Variants in RASAL2 observed in about 807,000 individuals in gnomAD.
RASAL2 encodes RAS protein activator like 2.
A neutral mutation model predicts 128.9 loss-of-function variants in RASAL2; 58 were observed. The observed-to-expected ratio is 0.45, with a 90% CI of 0.36 to 0.56. The LOEUF (loss-of-function observed/expected upper bound fraction) is 0.56, where lower values mean the gene tolerates loss of function less well. RASAL2 is among the 20% of genes least tolerant of loss of function. The pLI, the probability that RASAL2 is intolerant of heterozygous loss-of-function variation, is 0.00. For missense variants in RASAL2, 1,360 were observed against 1,601.6 expected, an observed-to-expected ratio of 0.85 and a Z score of 2.57; for synonymous variants, 561 against 580.8, an observed-to-expected ratio of 0.97 and a Z score of 0.49.
At chr1:178,392,136 C>A (rs926668049) in intron 4 of RASAL2, among the ~76,000 whole-genome samples, 2 of 152,176 alleles carry the variant, frequency 1.3e-5, no homozygotes, top group African/African-American at 4.8e-5. Flanking sequence ...GTTTTCCATT[C>A]TGAGACCCTA....
intron 3 of RASAL2, among the ~76,000 whole-genome samples, chr1:178,366,724 C>A (rs1187000792): frequency 1.3e-5 from 2 of 151,862 alleles, no homozygotes; most frequent in Non-Finnish European, 2.9e-5. Context: ...GTAGAAACAA[C>A]CCAAATGTCC....
chr1:178,149,981 T>C (rs1165605202), intron 1 of RASAL2, among the ~76,000 whole-genome samples: 1 of 152,168 alleles, frequency 6.6e-6, no homozygotes, highest in Non-Finnish European at 1.5e-5. Flanking sequence ...GTTTCTGCTT[T>C]AGATGGTTCA....
At chr1:178,273,552 T>C (rs980594507) in intron 1 of RASAL2, among the ~76,000 whole-genome samples, 5 of 152,218 alleles carry the variant, frequency 3.3e-5, no homozygotes, top group African/African-American at 1.2e-4. Flanking sequence ...GCATTTTTAA[T>C]TTAGAACTTT....
intron 7 of RASAL2, among the ~76,000 whole-genome samples, chr1:178,442,407 C>T (rs896702970): frequency 5.3e-5 from 8 of 151,858 alleles, no homozygotes; most frequent in Admixed American, 4.6e-4. Context: ...GAAAACTTAC[C>T]GTTACAAAAT....
intron 1 of RASAL2, among the ~76,000 whole-genome samples, chr1:178,191,179 C>T (rs952650393): frequency 2.0e-5 from 3 of 152,100 alleles, no homozygotes; most frequent in African/African-American, 7.2e-5. Context: ...AACCTCTTAG[C>T]ATACACTCTA....
At chr1:178,194,401 A>AT (rs1354624992) in intron 1 of RASAL2, 1 of 222,520 alleles carries the variant, frequency 4.5e-6, no homozygotes, top group Non-Finnish European at 9.9e-6. Context: ...ATCTCTTAGC[A>AT]TGGATAGCAC....
At chr1:178,352,193 C>T (rs1670550424) in intron 3 of RASAL2, among the ~76,000 whole-genome samples, 1 of 152,174 alleles carries the variant, frequency 6.6e-6, no homozygotes, top group African/African-American at 2.4e-5. Flanking sequence ...GGAAATACCA[C>T]TACTAAAAAC....
chr1:178,347,350 G>C (rs1019825995), intron 3 of RASAL2, among the ~76,000 whole-genome samples: 3 of 152,170 alleles, frequency 2.0e-5, no homozygotes, highest in African/African-American at 7.2e-5. Context: ...TGTGTGACGG[G>C]AGAATAGAAA....
At chr1:178,306,853 G>T (rs1376342888) in intron 3 of RASAL2, among the ~76,000 whole-genome samples, 1 of 130,966 alleles carries the variant, frequency 7.6e-6, no homozygotes, top group Non-Finnish European at 1.6e-5. Context: ...ATCACACTCT[G>T]GGGACTGTTG....
chr1:178,332,954 G>A (rs1669403933), intron 3 of RASAL2, among the ~76,000 whole-genome samples: 1 of 151,876 alleles, frequency 6.6e-6, no homozygotes, highest in African/African-American at 2.4e-5. Flanking sequence ...TCTCTGTGTG[G>A]CCTTGAGAAA....
intron 13 of RASAL2, 114 bp downstream of exon 13, chr1:178,457,013 G>C: frequency 1.0e-6 from 1 of 996,148 alleles, no homozygotes; most frequent in Non-Finnish European, 1.5e-6. Flanking sequence ...AGCAACTGAA[G>C]ACTCATCTGA....
At chr1:178,117,562 G>A (rs1659561410) in intron 1 of RASAL2, among the ~76,000 whole-genome samples, 2 of 152,178 alleles carry the variant, frequency 1.3e-5, no homozygotes, top group Admixed American at 1.3e-4. Flanking sequence ...ATGTGATAGT[G>A]TTAAGAGGTG....
intron 1 of RASAL2, among the ~76,000 whole-genome samples, chr1:178,168,979 C>T (rs529957364): frequency 2.0e-5 from 3 of 151,866 alleles, no homozygotes; most frequent in East Asian, 3.9e-4. Flanking sequence ...GAAGATGTCC[C>T]GGACAATGAA....
Position 178,173,088 on chromosome 1 carries a change from C to G in RASAL2, c.202+78394C>G, listed in dbSNP as rs1327735421. ...CACTTTGTGGGAATATCCATGCATT[C>G]CATTCTAACATACGTGTCCATTTCT... On this transcript the variant is annotated intron_variant, in intron 1 of 17. Coordinates refer to ENST00000367649, the MANE Select transcript of RASAL2 (RefSeq NM_170692.4). Among the ~76,000 whole-genome samples, 9 of 152,188 alleles carry G rather than the reference C, an allele frequency of 5.9e-5. No homozygotes were observed. The South Asian group carries it at 1.5e-3, about 25-fold the overall frequency.
In RASAL2 at chr1:178,473,281, C is replaced by T. The variant is rs1364555568; in HGVS notation, c.*42C>T. On this transcript the variant is annotated 3_prime_UTR_variant, in exon 18 of 18. Transcript: ENST00000367649. ...AAGGAGACAGAAGGAAATTGACCCA[C>T]TCTCCTATCTCCAGACCTTTACCTA... is the stretch of plus-strand genomic sequence containing the variant. 6.2e-7 allele frequency: 1 copy of T among 1,608,122 alleles called. No individual in the cohort carries two copies. Among genetic ancestry groups the T allele is most frequent in the Non-Finnish European group, 8.5e-7 (1 of 1,174,994 alleles).
At chr1:178,241,372 CT>C (rs1664489487) in intron 1 of RASAL2, among the ~76,000 whole-genome samples, 1 of 152,158 alleles carries the variant, frequency 6.6e-6, no homozygotes, top group Non-Finnish European at 1.5e-5. Flanking sequence ...TTTTCAATCT[CT>C]TTCACGTGTG....
intron 17 of RASAL2, among the ~76,000 whole-genome samples, chr1:178,470,113 C>T (rs1276281672): frequency 1.3e-5 from 2 of 152,142 alleles, no homozygotes; most frequent in Non-Finnish European, 2.9e-5. Context: ...GTATCAGATC[C>T]TTTCTTTTGT....
chr1:178,256,752 C>T (rs1169396364), intron 1 of RASAL2, among the ~76,000 whole-genome samples: 1 of 152,152 alleles, frequency 6.6e-6, no homozygotes, highest in Non-Finnish European at 1.5e-5. Flanking sequence ...CGGCTCATTG[C>T]AACCTCCGCC....
intron 3 of RASAL2, among the ~76,000 whole-genome samples, chr1:178,345,630 G>C (rs1488314754): frequency 6.6e-6 from 1 of 152,088 alleles, no homozygotes; most frequent in African/African-American, 2.4e-5. Flanking sequence ...TGCCTCTCGA[G>C]TCAGATCAGA....
Sources: allele counts gnomAD v4.1 joint callset (sites outside exome capture counted in the v4.1 genomes callset), GRCh38; gene constraint gnomAD v4.1.1; transcripts MANE v1.5; gene names NCBI Gene and HGNC (gene_info 2026-07-23, HGNC 2026-07-21).